RPIA: variants seen among roughly 807,000 people sequenced by gnomAD.
The protein encoded by RPIA is ribose-5-phosphate isomerase.
A neutral mutation model predicts 37.8 loss-of-function variants in RPIA; 29 were observed. The ratio of observed to expected loss-of-function variants is 0.77; its 90% confidence interval spans 0.57 to 1.05. The LOEUF (loss-of-function observed/expected upper bound fraction) is 1.05. Among genes scored for constraint, RPIA ranks in the 50% least tolerant of loss-of-function variants. RPIA has a pLI of 0.00. For synonymous variants in RPIA, 167 were observed against 157.0 expected, an observed-to-expected ratio of 1.06 and a Z score of -0.48; for missense variants, 385 against 413.6, an observed-to-expected ratio of 0.93 and a Z score of 0.60.
At chr2:88,726,895 T>C (rs1248509248) in intron 3 of RPIA, among the ~76,000 whole-genome samples, 2 of 152,090 alleles carry the variant, frequency 1.3e-5, no homozygotes, top group Non-Finnish European at 1.5e-5. Flanking sequence ...GGTACCATGA[T>C]GCCTAGCTAA....
At chr2:88,700,675 A>G in intron 3 of RPIA, among the ~76,000 whole-genome samples, 1 of 152,204 alleles carries the variant, frequency 6.6e-6, no homozygotes, top group East Asian at 1.9e-4. Flanking sequence ...AATCAGGCTA[A>G]AAGGAATTAA....
At chr2:88,744,424 C>T (rs1411335631) in intron 8 of RPIA, among the ~76,000 whole-genome samples, 4 of 151,888 alleles carry the variant, frequency 2.6e-5, no homozygotes, top group Non-Finnish European at 5.9e-5. Flanking sequence ...TGTAGCCTGT[C>T]ATGTTGGAGA....
Position 88,691,888 on chromosome 2 carries a change from G to T in RPIA, c.190G>T (p.Asp64Tyr). Reference protein sequence around the residue: ...GAGNTSTSCGDSNSICPAPST... With the variant: ...GAGNTSTSCGYSNSICPAPST... ...TGGCAACACAAGCACCAGCTGCGGG[G>T]ACTCCAACAGCATCTGCCCGGCCCC... The change falls in exon 1 of 9, where the codon GAC (aspartate) becomes TAC (tyrosine). Residue 64 changes from aspartate to tyrosine, a missense_variant. Asp to Tyr is a radical substitution (Grantham distance 160, BLOSUM62 -3). Transcript: ENST00000283646. 6.3e-7 allele frequency: 1 copy of T among 1,596,474 alleles called. No homozygotes were observed. The highest frequency in any genetic ancestry group is 8.5e-7 in the Non-Finnish European group (1 of 1,172,856).
chr2:88,703,001 C>A (rs936298720), intron 3 of RPIA, among the ~76,000 whole-genome samples: 1 of 152,190 alleles, frequency 6.6e-6, no homozygotes, highest in Admixed American at 6.5e-5. Flanking sequence ...AGTCTGAAAT[C>A]CAGGATGGGC....
At chr2:88,714,565 C>T (rs1390149691) in intron 3 of RPIA, among the ~76,000 whole-genome samples, 1 of 152,180 alleles carries the variant, frequency 6.6e-6, no homozygotes, top group African/African-American at 2.4e-5. Flanking sequence ...TGGGGAACTC[C>T]TGATGTCAGA....
chr2:88,696,934 G>T lies in RPIA; in HGVS notation c.286-1550G>T, dbSNP rs536781911. Reference sequence around the variant, plus strand: ...GTTATAATGGCAATTAAATTTCAACGTGAGTTTTGGTGGAGATGTTCAAAG... The same window carrying T: ...GTTATAATGGCAATTAAATTTCAACTTGAGTTTTGGTGGAGATGTTCAAAG... On this transcript the variant is annotated intron_variant, in intron 1 of 8. Transcript: ENST00000283646. Among the ~76,000 whole-genome samples the T allele has an allele frequency of 4.6e-5, 7 of 152,260 alleles. No individual in the cohort carries two copies. In the South Asian group the frequency reaches 1.0e-3, roughly 23 times the overall value.
At chr2:88,736,366 CT>C (rs565950238) in intron 6 of RPIA, among the ~76,000 whole-genome samples, 168 bp from the exon 7 acceptor site, 309 of 152,316 alleles carry the variant, frequency 2.0e-3, no homozygotes, top group Non-Finnish European at 2.9e-3. Context: ...TCAAATAGCT[CT>C]TTTCCTATAT....
In RPIA at chr2:88,698,490, C is replaced by T. The variant is rs1672787029; in HGVS notation, c.292C>T (p.Gln98Ter). 1 of 1,613,944 alleles carries T rather than the reference C, an allele frequency of 6.2e-7. No homozygotes were observed. Among genetic ancestry groups the T allele is most frequent in the Non-Finnish European group, 8.5e-7 (1 of 1,179,954 alleles). ...AAVENHVRNNQVLGIGSGSTI... is the reference protein window; with the variant it reads ...AAVENHVRNN ...CTTCCCCGTTTTTTGGCAGAATAACCAAGTGCTGGGAATTGGAAGTGGTTC... is the reference window on the plus strand; with the variant it reads ...CTTCCCCGTTTTTTGGCAGAATAACTAAGTGCTGGGAATTGGAAGTGGTTC... Residue 98 changes from glutamine (Q) to a stop codon, truncating the protein, a stop_gained, in exon 2 of 9, where the codon CAA (glutamine) becomes TAA (stop). Transcript: ENST00000283646. LOFTEE classifies it high-confidence loss of function.
chr2:88,698,080 C>CT (rs1326213832), intron 1 of RPIA, among the ~76,000 whole-genome samples: 2 of 147,146 alleles, frequency 1.4e-5, no homozygotes, highest in African/African-American at 5.0e-5. Flanking sequence ...TTCTTTCTTT[C>CT]TTTCTTTTTT....
intron 3 of RPIA, among the ~76,000 whole-genome samples, chr2:88,716,676 T>G (rs550382255): frequency 1.3e-5 from 2 of 152,346 alleles, no homozygotes; most frequent in South Asian, 4.1e-4. Flanking sequence ...CTTGTTCAGG[T>G]TACTTTTTTT....
chr2:88,729,424 G>A, intron 4 of RPIA, 87 bp downstream of exon 4: 1 of 1,285,622 alleles, frequency 7.8e-7, no homozygotes, highest in Middle Eastern at 1.8e-4. Flanking sequence ...CAGATATCTT[G>A]TAAAATCTAG....
At chr2:88,693,193 T>G (rs372110322) in intron 1 of RPIA, among the ~76,000 whole-genome samples, 1 of 152,336 alleles carries the variant, frequency 6.6e-6, no homozygotes, top group East Asian at 1.9e-4. Flanking sequence ...GAGAATACAA[T>G]TAGAAAAGCC....
chr2:88,739,453 G>A (rs1317208635), intron 8 of RPIA, among the ~76,000 whole-genome samples: 2 of 152,164 alleles, frequency 1.3e-5, no homozygotes, highest in Non-Finnish European at 1.5e-5. Flanking sequence ...CGTGCCCATT[G>A]CAGAAGGGAA....
intron 3 of RPIA, among the ~76,000 whole-genome samples, chr2:88,716,950 G>A (rs1673044656): frequency 6.6e-6 from 1 of 152,196 alleles, no homozygotes; most frequent in East Asian, 1.9e-4. Context: ...AGTATGGACA[G>A]CCATGTAGAG....
At chr2:88,746,152 A>C (rs1019954923) in intron 8 of RPIA, among the ~76,000 whole-genome samples, 2 of 151,800 alleles carry the variant, frequency 1.3e-5, no homozygotes, top group African/African-American at 4.8e-5. Flanking sequence ...TTTCTTTATG[A>C]TATCTGTTTC....
chr2:88,735,724 A>G lies in RPIA; in HGVS notation c.583A>G (p.Ile195Val). The change falls in exon 6 of 9, where the codon ATC becomes GTC. Residue 195 changes from isoleucine to valine, a missense_variant. By Grantham distance (29) the Ile-to-Val change is conservative. This residue lies in a region of RPIA where 153 missense variants were observed against 210.6 expected (regional missense o/e 0.73). Coordinates refer to ENST00000283646, the MANE Select transcript of RPIA (RefSeq NM_144563.3). ...VAGYASRFIV[I>V]ADFRKDSKNL... ...TGGCTATGCTAGTCGCTTCATCGTG[A>G]TCGCTGATTTCAGGTACAGTTTCTG... 1 of 1,614,012 alleles carries G rather than the reference A, an allele frequency of 6.2e-7. No individual in the cohort carries two copies. The highest frequency in any genetic ancestry group is 2.2e-5 in the East Asian group (1 of 44,870).
At chr2:88,746,395 C>T (rs1009816931) in intron 8 of RPIA, among the ~76,000 whole-genome samples, 6 of 152,166 alleles carry the variant, frequency 3.9e-5, no homozygotes, top group Non-Finnish European at 8.8e-5. Context: ...TAGACTGTTT[C>T]ATTGGAAAGA....
intron 3 of RPIA, 124 bp from the exon 4 acceptor site, chr2:88,729,154 G>C (rs1673234435): frequency 1.1e-6 from 1 of 952,218 alleles, no homozygotes; most frequent in Non-Finnish European, 1.6e-6. Context: ...CTCATGGTGG[G>C]CCATGCTGGG....
intron 4 of RPIA, among the ~76,000 whole-genome samples, chr2:88,732,728 TA>T (rs75685116): frequency 0.026 from 53 of 2,002 alleles, no homozygotes; most frequent in African/African-American, 0.056. Flanking sequence ...TAGAGTATAA[TA>T]AAAAAAAAAA....
Sources: allele counts gnomAD v4.1 joint callset (sites outside exome capture counted in the v4.1 genomes callset), GRCh38; gene constraint gnomAD v4.1.1; regional missense constraint gnomAD v4.1.1; transcripts MANE v1.5; gene names NCBI Gene and HGNC (gene_info 2026-07-23, HGNC 2026-07-21).